The following PTPRQ variants were observed in gnomAD, a reference collection of about 807,000 sequenced individuals.
PTPRQ encodes protein tyrosine phosphatase receptor type Q.
In PTPRQ, 199 loss-of-function variants were observed where a neutral mutation model predicts 246.0. The ratio of observed to expected loss-of-function variants is 0.81; its 90% CI spans 0.72 to 0.91. The LOEUF (loss-of-function observed/expected upper bound fraction) is 0.91, where lower values mean the gene tolerates loss of function less well. Ranked by LOEUF, PTPRQ falls within the 40% of genes least tolerant of loss-of-function variation. The pLI, the probability that PTPRQ is intolerant of heterozygous loss-of-function variation, is 0.00. For synonymous variants in PTPRQ, 869 were observed against 853.2 expected (o/e 1.02, Z -0.32); for missense variants, 2,624 against 2,528.4 (o/e 1.04, Z -0.81).
At chr12:80,626,584 A>G (rs746479952) in intron 33 of PTPRQ, among the ~76,000 whole-genome samples, 24 of 152,144 alleles carry the variant, frequency 1.6e-4, no homozygotes, top group Admixed American at 2.6e-4. Context: ...AGTTTGAAGC[A>G]TTGTGTTTTT....
At chr12:80,556,256 T>C (rs1346437854) in intron 25 of PTPRQ, among the ~76,000 whole-genome samples, 1 of 152,216 alleles carries the variant, frequency 6.6e-6, no homozygotes, top group Non-Finnish European at 1.5e-5. Context: ...TTCGAACTCC[T>C]GACCTCAGGT....
chr12:80,663,973 G>T (rs933189345), intron 39 of PTPRQ, among the ~76,000 whole-genome samples: 4 of 151,882 alleles, frequency 2.6e-5, no homozygotes, highest in Non-Finnish European at 5.9e-5. Flanking sequence ...AGCTTGAACT[G>T]CATGCCTATT....
chr12:80,588,891 T>C (rs145749009), intron 26 of PTPRQ, among the ~76,000 whole-genome samples: 23 of 152,350 alleles, frequency 1.5e-4, no homozygotes, highest in East Asian at 5.8e-4. Flanking sequence ...ATAACCCTGA[T>C]TGATCTGTCT....
intron 26 of PTPRQ, among the ~76,000 whole-genome samples, chr12:80,603,872 C>A (rs1718784302): frequency 6.6e-6 from 1 of 151,580 alleles, no homozygotes; most frequent in Admixed American, 6.6e-5. Flanking sequence ...TTATTTATTT[C>A]TATTTATCCC....
chr12:80,605,302 G>T, intron 27 of PTPRQ, 122 bp downstream of exon 27: 3 of 1,272,836 alleles, frequency 2.4e-6, no homozygotes, highest in Non-Finnish European at 2.1e-6. Flanking sequence ...TACTTTACTT[G>T]TTTGTGTTTC....
At chr12:80,466,153 CAA>C (rs1280276308) in intron 6 of PTPRQ, among the ~76,000 whole-genome samples, 1 of 152,162 alleles carries the variant, frequency 6.6e-6, no homozygotes, top group Non-Finnish European at 1.5e-5. Flanking sequence ...GCAATTTCAG[CAA>C]AGTCTCAGGA....
chr12:80,486,990 ACTCT>A (rs1235678157), intron 9 of PTPRQ, among the ~76,000 whole-genome samples: 4 of 152,070 alleles, frequency 2.6e-5, no homozygotes, highest in South Asian at 2.1e-4. Flanking sequence ...CAAAAAGCTA[ACTCT>A]CTCTATTTTC....
chr12:80,602,371 C>T (rs1486545837), intron 26 of PTPRQ, among the ~76,000 whole-genome samples: 1 of 151,726 alleles, frequency 6.6e-6, no homozygotes, highest in Admixed American at 6.6e-5. Context: ...TAAAGATTGT[C>T]ACCACTATTA....
intron 24 of PTPRQ, among the ~76,000 whole-genome samples, chr12:80,547,486 T>C (rs1333276689): frequency 1.3e-5 from 2 of 152,184 alleles, no homozygotes; most frequent in Non-Finnish European, 2.9e-5. Flanking sequence ...TAAATCGAGA[T>C]TGTAGACCAC....
At chr12:80,606,585 A>G (rs1414402482) in intron 27 of PTPRQ, among the ~76,000 whole-genome samples, 2 of 151,018 alleles carry the variant, frequency 1.3e-5, no homozygotes, top group East Asian at 3.9e-4. Context: ...ATAGCATCTT[A>G]TGCATTAAAT....
intron 8 of PTPRQ, among the ~76,000 whole-genome samples, chr12:80,481,854 C>T (rs572847371): frequency 7.5e-4 from 114 of 151,984 alleles, no homozygotes; most frequent in African/African-American, 2.6e-3. Flanking sequence ...AACTACAAAC[C>T]GCTGCTCAAT....
chr12:80,522,684 G>A (rs182359289), intron 17 of PTPRQ, among the ~76,000 whole-genome samples: 3 of 152,276 alleles, frequency 2.0e-5, no homozygotes, highest in African/African-American at 4.8e-5. Flanking sequence ...TGCATATGTG[G>A]AGCCAGCCTT....
chr12:80,558,124 T>TTTCTTTCTTTCTTTC lies in PTPRQ; in HGVS notation c.4285+8392_4285+8393insCTTTCTTTCTTTCTT, dbSNP rs563723088. Among the ~76,000 whole-genome samples, 9 of 80,936 alleles carry TTTCTTTCTTTCTTTC rather than the reference T, an allele frequency of 1.1e-4. 1 individual carries two copies. Among genetic ancestry groups the TTTCTTTCTTTCTTTC allele is most frequent in the African/African-American group, 5.1e-4 (9 of 17,780 alleles). The allele number at this position is 80,936 out of a possible 152,430, so 53.1% of individuals were successfully genotyped here. A position where few individuals can be genotyped will look rare whatever the true frequency, so the allele number is the denominator to read the frequency against. ...CTTTCTTCTTTCTTTTCTTTCTTTC[T>TTTCTTTCTTTCTTTC]TTTCTTTTCTTTTCTTTTCTTTTCT... On this transcript the variant is annotated intron_variant, in intron 25 of 44. Transcript: ENST00000644991.
intron 19 of PTPRQ, among the ~76,000 whole-genome samples, chr12:80,537,246 C>T (rs1012106038): frequency 6.6e-6 from 1 of 152,184 alleles, no homozygotes; most frequent in Non-Finnish European, 1.5e-5. Flanking sequence ...ACCTTCACTA[C>T]CTAATTTTCT....
intron 3 of PTPRQ, among the ~76,000 whole-genome samples, chr12:80,450,429 T>A (rs1484238629): frequency 6.6e-6 from 1 of 152,122 alleles, no homozygotes; most frequent in Admixed American, 6.6e-5. Flanking sequence ...ATAGGAGTGG[T>A]GAGAGAGGGC....
intron 7 of PTPRQ, among the ~76,000 whole-genome samples, chr12:80,469,745 T>C (rs1227520383): frequency 1.3e-5 from 2 of 152,200 alleles, no homozygotes; most frequent in African/African-American, 4.8e-5. Context: ...TTCCCTCCAC[T>C]CACCCATCCG....
At chr12:80,480,586 C>A (rs1333999726) in intron 8 of PTPRQ, among the ~76,000 whole-genome samples, 4 of 149,512 alleles carry the variant, frequency 2.7e-5, no homozygotes, top group Non-Finnish European at 4.4e-5. Context: ...AATCCAGGAG[C>A]TGGTTTTTTG....
chr12:80,611,162 G>A (rs1322053781), intron 28 of PTPRQ, among the ~76,000 whole-genome samples: 1 of 150,408 alleles, frequency 6.6e-6, no homozygotes, highest in South Asian at 2.1e-4. Context: ...AATACATACA[G>A]ATTTCCTCAA....
At chr12:80,620,716 CTTA>C in intron 32 of PTPRQ, among the ~76,000 whole-genome samples, 1 of 151,810 alleles carries the variant, frequency 6.6e-6, no homozygotes, top group South Asian at 2.1e-4. Context: ...GTGTTTTTCA[CTTA>C]TTATTTTACC....
Sources: allele counts gnomAD v4.1 joint callset (sites outside exome capture counted in the v4.1 genomes callset), GRCh38; gene constraint gnomAD v4.1.1; transcripts MANE v1.5; gene names NCBI Gene and HGNC (gene_info 2026-07-23, HGNC 2026-07-21).